Variants in THADA observed in about 807,000 individuals in gnomAD.
The protein encoded by THADA is tRNA (32-2'-O)-methyltransferase regulator THADA.
A neutral mutation model predicts 219.8 loss-of-function variants in THADA; 213 were observed. The ratio of observed to expected loss-of-function variants is 0.97; its 90% CI spans 0.87 to 1.09. THADA has a LOEUF of 1.09. THADA is among the 50% of genes least tolerant of loss of function. The pLI is 0.00. For synonymous variants in THADA, 1,018 were observed against 828.9 expected, an observed-to-expected ratio of 1.23 and a Z score of -3.92; for missense variants, 2,956 against 2,311.3, an observed-to-expected ratio of 1.28 and a Z score of -5.72.
chr2:43,508,895 G>A, intron 22 of THADA, 115 bp from the exon 23 acceptor site: 1 of 1,008,768 alleles, frequency 9.9e-7, no homozygotes, highest in Non-Finnish European at 1.4e-6. Flanking sequence ...TTGAGTGGGG[G>A]TGAAACTAAA....
intron 16 of THADA, among the ~76,000 whole-genome samples, chr2:43,557,980 A>G (rs1697587879): frequency 6.6e-6 from 1 of 152,248 alleles, no homozygotes; most frequent in Admixed American, 6.5e-5. Context: ...CCAAAGTTCA[A>G]GTTTAAATAA....
chr2:43,407,936 T>C (rs1284739145), intron 28 of THADA, among the ~76,000 whole-genome samples: 11 of 152,166 alleles, frequency 7.2e-5, no homozygotes, highest in African/African-American at 2.7e-4. Context: ...TTTTTTGTTG[T>C]GATAATGAAT....
intron 25 of THADA, among the ~76,000 whole-genome samples, chr2:43,487,113 C>T (rs1034642292): frequency 3.3e-5 from 5 of 152,174 alleles, no homozygotes; most frequent in Non-Finnish European, 5.9e-5. Flanking sequence ...ATTTAATCCC[C>T]AAATAACAAA....
chr2:43,468,009 C>T (rs6741434), intron 26 of THADA, among the ~76,000 whole-genome samples: 31,416 of 152,066 alleles, frequency 0.21, 3,477 homozygotes, highest in Non-Finnish European at 0.26. Context: ...CTTGGAAAGG[C>T]CTAAAGCTTA....
chr2:43,455,844 T>C (rs1481649786), intron 26 of THADA, among the ~76,000 whole-genome samples: 1 of 152,194 alleles, frequency 6.6e-6, no homozygotes. Context: ...GACACAATAG[T>C]TACTAAGGAG....
chr2:43,350,234 G>T (rs1668097812), intron 29 of THADA, among the ~76,000 whole-genome samples: 1 of 152,188 alleles, frequency 6.6e-6, no homozygotes, highest in Non-Finnish European at 1.5e-5. Context: ...CTCTAGGTCA[G>T]ATTGAAAGGG....
At chr2:43,589,431 C>T (rs1000439239) in intron 4 of THADA, among the ~76,000 whole-genome samples, 1 of 152,014 alleles carries the variant, frequency 6.6e-6, no homozygotes, top group African/African-American at 2.4e-5. Context: ...AATTTATGAA[C>T]GGAAAGTGGC....
At chr2:43,533,465 A>C (rs1400318542) in intron 21 of THADA, among the ~76,000 whole-genome samples, 1 of 152,218 alleles carries the variant, frequency 6.6e-6, no homozygotes, top group African/African-American at 2.4e-5. Flanking sequence ...CACCATTTAC[A>C]ATAGCAAAGA....
intron 28 of THADA, 137 bp from the exon 29 acceptor site, chr2:43,398,276 T>A: frequency 1.2e-6 from 1 of 833,948 alleles, no homozygotes; most frequent in Non-Finnish European, 1.8e-6. Flanking sequence ...TTATCCCAAA[T>A]GATGTTTTGT....
chr2:43,581,933 AAAG>A lies in THADA; in HGVS notation c.534-8_534-6del, dbSNP rs1477465525. ...ATATGATTTCCAGCACATTTTCTAT[AAAG>A]AAGAAAAGACATTATTACAAAAGGA... On this transcript the variant is annotated splice_polypyrimidine_tract_variant and splice_region_variant and intron_variant, in intron 7 of 37. Coordinates refer to ENST00000405975, the MANE Select transcript of THADA (RefSeq NM_022065.5). The A allele has an allele frequency of 6.6e-7, 1 of 1,521,700 alleles. No individual in the cohort carries two copies. Among genetic ancestry groups the A allele is most frequent in the African/African-American group, 1.4e-5 (1 of 70,642 alleles). 94.3% of individuals were successfully genotyped at this position (1,521,700 alleles called of 1,614,324 possible).
chr2:43,286,345 G>A (rs1674002826), intron 35 of THADA, among the ~76,000 whole-genome samples: 1 of 152,158 alleles, frequency 6.6e-6, no homozygotes, highest in Admixed American at 6.5e-5. Flanking sequence ...CCACTCAAAG[G>A]TTTTAAATAG....
chr2:43,305,599 G>A (rs1482096952), intron 31 of THADA, among the ~76,000 whole-genome samples: 1 of 152,140 alleles, frequency 6.6e-6, no homozygotes, highest in Non-Finnish European at 1.5e-5. Context: ...AGGAGGATGT[G>A]CTTCTGAGGA....
intron 29 of THADA, among the ~76,000 whole-genome samples, chr2:43,354,117 G>A (rs113190960): frequency 1.5e-3 from 230 of 151,858 alleles, no homozygotes; most frequent in Middle Eastern, 0.01. Context: ...CACTGCGCCC[G>A]GCCAATTTTT....
chr2:43,330,642 C>T (rs1010566157), intron 30 of THADA, among the ~76,000 whole-genome samples: 2 of 152,176 alleles, frequency 1.3e-5, no homozygotes, highest in African/African-American at 4.8e-5. Flanking sequence ...GGAGAACAAA[C>T]TTATTTACAT....
intron 21 of THADA, among the ~76,000 whole-genome samples, chr2:43,528,412 G>A (rs1333526701): frequency 1.3e-5 from 2 of 152,134 alleles, no homozygotes; most frequent in Non-Finnish European, 2.9e-5. Flanking sequence ...TTACATGCGT[G>A]AGCCACTGTG....
intron 16 of THADA, 106 bp downstream of exon 16, chr2:43,560,128 C>T: frequency 1.0e-6 from 1 of 953,066 alleles, no homozygotes. Context: ...AGTCCAAAAA[C>T]ATGAGCAGGC....
intron 14 of THADA, among the ~76,000 whole-genome samples, chr2:43,567,520 G>A (rs985835313): frequency 5.3e-5 from 8 of 152,048 alleles, no homozygotes; most frequent in South Asian, 2.1e-4. Context: ...CCAGCTACTC[G>A]GGAGGCTGAG....
At position 43,553,981 on chromosome 2, in the gene THADA, G is replaced by C. The variant is rs1344954961; in HGVS notation, c.2675-1642C>G. Among the ~76,000 whole-genome samples the C allele has an allele frequency of 2.0e-5, 3 of 152,134 alleles. No homozygotes were observed. The East Asian group carries it at 5.8e-4, about 29-fold the overall frequency. On this transcript the variant is annotated intron_variant, in intron 17 of 37. Coordinates refer to ENST00000405975, the MANE Select transcript of THADA (RefSeq NM_022065.5). The stretch of plus-strand genomic sequence containing the variant: ...AAAATGTGGTTATGTCCTTTTATTA[G>C]TGAGTTGTACAAGTTCTTTATATAT...
chr2:43,539,998 C>A (rs1051114533), intron 21 of THADA, among the ~76,000 whole-genome samples: 11 of 152,206 alleles, frequency 7.2e-5, no homozygotes, highest in Admixed American at 5.2e-4. Flanking sequence ...TTAAACACTA[C>A]CCAACAAACC....
Sources: gnomAD v4.1 joint callset for allele counts (sites outside exome capture counted in the v4.1 genomes callset) on GRCh38, gnomAD v4.1.1 for gene constraint, MANE v1.5 for transcripts, NCBI Gene and HGNC (gene_info 2026-07-23, HGNC 2026-07-21) for gene names.